POLI: variants seen among roughly 807,000 people sequenced by gnomAD.
POLI encodes the protein RAD30 homolog B.
A neutral mutation model predicts 51.6 loss-of-function variants in POLI; 58 were observed. The ratio of observed to expected loss-of-function variants is 1.12; its 90% CI spans 0.91 to 1.40. The LOEUF is 1.40. Ranked by LOEUF, POLI falls within the 40% of genes most tolerant of loss-of-function variation. The pLI is 0.00. For synonymous variants in POLI, 322 were observed against 299.7 expected (o/e 1.07, Z -0.77); for missense variants, 921 against 871.3 (o/e 1.06, Z -0.72).
Position 54,291,978 on chromosome 18 carries a change from T to G in POLI, c.1344T>G (p.Leu448=). 6.2e-7 allele frequency: 1 copy of G among 1,611,492 alleles called. No homozygotes were observed. Among genetic ancestry groups the G allele is most frequent in the Non-Finnish European group, 8.5e-7 (1 of 1,178,390 alleles). The change falls in exon 9 of 10, where the codon CTT becomes CTG. Residue 448 remains leucine, a synonymous_variant. Coordinates refer to ENST00000579534, the MANE Select transcript of POLI (RefSeq NM_007195.3). ...LKALNTAKKG[L]IDYYLMPSLS... ...CACTAAATACTGCTAAGAAAGGGCT[T>G]ATTGATTATTATTTAATGCCATCAT... is the stretch of plus-strand genomic sequence containing the variant.
chr18:54,303,183 CA>C (rs1278981318), downstream of POLI, among the ~76,000 whole-genome samples: 5 of 152,176 alleles, frequency 3.3e-5, no homozygotes, highest in African/African-American at 1.2e-4. Context: ...TACTTGGAGG[CA>C]TCCCCAAGAG....
In POLI at chr18:54,297,454, T is replaced by C; in HGVS notation, c.*2987T>C. The C allele has an allele frequency of 2.0e-6, 2 of 981,576 alleles. No homozygotes were observed. Among genetic ancestry groups the C allele is most frequent in the South Asian group, 9.4e-5 (2 of 21,222 alleles). The allele number at this position is 981,576 out of a possible 1,614,324, so 60.8% of individuals were successfully genotyped here. On this transcript the variant is annotated 3_prime_UTR_variant, in exon 10 of 10. Transcript: ENST00000579534. Reference sequence around the variant, plus strand: ...AACCAGCAATGAATTAAGAGGTCTCTTTTCTCCAAGATCTAGTGTTTTGTA... The same window carrying C: ...AACCAGCAATGAATTAAGAGGTCTCCTTTCTCCAAGATCTAGTGTTTTGTA...
chr18:54,305,123 C>T (rs1482646175), intron 3 of POLI, among the ~76,000 whole-genome samples: 3 of 152,102 alleles, frequency 2.0e-5, no homozygotes, highest in African/African-American at 7.2e-5. Context: ...TGTTCTGTAT[C>T]TCTGTTTTTC....
intron 1 of POLI, chr18:54,270,716 C>T (rs2086967211): frequency 6.6e-6 from 1 of 152,172 alleles, no homozygotes; most frequent in African/African-American, 2.4e-5. Flanking sequence ...GGAGTCGCCT[C>T]TGTCATTCCC....
chr18:54,273,048 A>G (rs1018115005), intron 2 of POLI, among the ~76,000 whole-genome samples: 22 of 152,236 alleles, frequency 1.4e-4, no homozygotes, highest in African/African-American at 4.6e-4. Flanking sequence ...TGTATTTTAC[A>G]TATTTTAGGT....
chr18:54,310,328 A>T (rs1445661538), intron 3 of POLI, among the ~76,000 whole-genome samples: 3 of 152,072 alleles, frequency 2.0e-5, no homozygotes, highest in Non-Finnish European at 4.4e-5. Context: ...CATTCTAGTT[A>T]CTCACCTTCT....
chr18:54,305,409 C>T (rs1408876326), intron 3 of POLI, among the ~76,000 whole-genome samples: 1 of 152,128 alleles, frequency 6.6e-6, no homozygotes, highest in Admixed American at 6.5e-5. Flanking sequence ...GAATGTTCTT[C>T]CATTTGTTTG....
At chr18:54,310,700 A>C (rs1261743248) in intron 3 of POLI, among the ~76,000 whole-genome samples, 1 of 152,116 alleles carries the variant, frequency 6.6e-6, no homozygotes, top group Non-Finnish European at 1.5e-5. Flanking sequence ...ATATTGAAAA[A>C]ATCTTTTAAA....
chr18:54,283,917 G>A lies in POLI; in HGVS notation c.976-5G>A. ...TGCTAATCCTTATTTATGCTTCTTT[G>A]ATAGTCCTTTAGTGAAGAAGATTCA... On this transcript the variant is annotated splice_region_variant and splice_polypyrimidine_tract_variant and intron_variant, in intron 6 of 9. Transcript: ENST00000579534. 8.8e-7 allele frequency: 1 copy of A among 1,137,074 alleles called. No homozygotes were observed. Among genetic ancestry groups the A allele is most frequent in the African/African-American group, 1.5e-5 (1 of 64,920 alleles). 70.4% of individuals were successfully genotyped at this position (1,137,074 alleles called of 1,614,324 possible).
In POLI at chr18:54,287,424, T is replaced by C; in HGVS notation, c.1198+13T>C. On this transcript the variant is annotated intron_variant, in intron 8 of 9. Transcript: ENST00000579534. ...AAATTAGGGACAGGTATGGACTAGT[T>C]TTCCAACAGTTTCATTAGCAGGTTG... is the stretch of plus-strand genomic sequence containing the variant. The C allele has an allele frequency of 6.2e-7, 1 of 1,600,284 alleles. No individual in the cohort carries two copies.
intron 8 of POLI, among the ~76,000 whole-genome samples, chr18:54,290,233 C>T (rs1015373606): frequency 2.0e-5 from 3 of 152,208 alleles, no homozygotes; most frequent in Non-Finnish European, 2.9e-5. Flanking sequence ...AAAAAATGCT[C>T]ATCATTGCTG....
At chr18:54,280,574 A>G in intron 4 of POLI, 93 bp from the exon 5 acceptor site, 2 of 751,590 alleles carry the variant, frequency 2.7e-6, no homozygotes, top group South Asian at 1.6e-5. Flanking sequence ...TGGTTGTTGG[A>G]TATAGACTAA....
At chr18:54,306,795 A>C (rs1175581730) in intron 3 of POLI, among the ~76,000 whole-genome samples, 2 of 152,142 alleles carry the variant, frequency 1.3e-5, no homozygotes, top group African/African-American at 4.8e-5. Context: ...TTCCTGATTT[A>C]GTCTTGGGAG....
rs2086992188 is a variant in POLI at position 54,271,300 on chromosome 18, C to T, written c.116-60C>T. 9 of 1,459,848 alleles carry T rather than the reference C, an allele frequency of 6.2e-6. No homozygotes were observed. In the East Asian group the frequency reaches 6.9e-5, roughly 11 times the overall value. 90.4% of individuals were successfully genotyped at this position (1,459,848 alleles called of 1,614,324 possible). On this transcript the variant is annotated intron_variant, in intron 1 of 9. Coordinates refer to ENST00000579534, the MANE Select transcript of POLI (RefSeq NM_007195.3). The stretch of plus-strand genomic sequence containing the variant: ...CAGGTACCATGTTTTAAGGAACTGT[C>T]AGTTGCTCAGAGATAATAAGCAGCC...
intron 8 of POLI, among the ~76,000 whole-genome samples, chr18:54,289,356 T>TGG (rs1482091964): frequency 6.6e-6 from 1 of 152,088 alleles, no homozygotes; most frequent in Admixed American, 6.6e-5. Flanking sequence ...GATAAGTGTA[T>TGG]GGGTTGGAGA....
At chr18:54,276,217 A>AG (rs1391851898) in intron 3 of POLI, among the ~76,000 whole-genome samples, 1 of 152,030 alleles carries the variant, frequency 6.6e-6, no homozygotes, top group Non-Finnish European at 1.5e-5. Flanking sequence ...AAAGTTAAAA[A>AG]AAAAAAAAGT....
intron 3 of POLI, among the ~76,000 whole-genome samples, chr18:54,315,688 C>G (rs1213227247): frequency 6.6e-6 from 1 of 152,132 alleles, no homozygotes; most frequent in Admixed American, 6.5e-5. Flanking sequence ...TTGAATTGAA[C>G]CCTTTGTCAT....
intron 3 of POLI, among the ~76,000 whole-genome samples, chr18:54,276,022 A>G (rs190596682): frequency 1.5e-4 from 22 of 150,704 alleles, no homozygotes; most frequent in Admixed American, 1.3e-4. Flanking sequence ...TTTGGGCCCT[A>G]TATAATTATA....
chr18:54,270,486 T>C (rs1235615390), intron 1 of POLI: 1 of 152,272 alleles, frequency 6.6e-6, no homozygotes, highest in African/African-American at 2.4e-5. Flanking sequence ...ACTTTAGGTT[T>C]ACCTGAAAGT....
Sources: allele counts gnomAD v4.1 joint callset (sites outside exome capture counted in the v4.1 genomes callset), GRCh38; gene constraint gnomAD v4.1.1; transcripts MANE v1.5; gene names NCBI Gene and HGNC (gene_info 2026-07-23, HGNC 2026-07-21).